LRBA: variants seen among roughly 807,000 people sequenced by gnomAD.
LRBA encodes the protein lipopolysaccharide-responsive and beige-like anchor protein.
Under a neutral mutation model 330.0 loss-of-function variants are expected in LRBA, and 176 were observed. The observed-to-expected ratio is 0.53, with a 90% CI of 0.47 to 0.60. The LOEUF is 0.60. Ranked by LOEUF, LRBA falls within the 20% of genes least tolerant of loss-of-function variation. The pLI is 0.00. For missense variants in LRBA, 3,259 were observed against 3,444.8 expected, an observed-to-expected ratio of 0.95 and a Z score of 1.35; for synonymous variants, 1,230 against 1,193.0, an observed-to-expected ratio of 1.03 and a Z score of -0.64.
At chr4:150,535,215 C>T (rs1764515288) in intron 40 of LRBA, among the ~76,000 whole-genome samples, 1 of 150,640 alleles carries the variant, frequency 6.6e-6, no homozygotes, top group South Asian at 2.1e-4. Flanking sequence ...CTCACTGAAG[C>T]CTCGAACTCT....
chr4:150,304,919 C>T (rs534740061), intron 52 of LRBA, among the ~76,000 whole-genome samples: 1 of 152,178 alleles, frequency 6.6e-6, no homozygotes, highest in African/African-American at 2.4e-5. Context: ...ATACATCATA[C>T]ATCATGAATA....
chr4:150,664,479 T>C (rs571078198), intron 37 of LRBA, among the ~76,000 whole-genome samples: 2 of 152,332 alleles, frequency 1.3e-5, no homozygotes, highest in South Asian at 4.1e-4. Flanking sequence ...TTTCTCCATT[T>C]ATATATCCTC....
intron 37 of LRBA, among the ~76,000 whole-genome samples, chr4:150,642,201 T>C (rs912522659): frequency 1.3e-5 from 2 of 151,992 alleles, no homozygotes; most frequent in African/African-American, 4.8e-5. Context: ...TACATTCATA[T>C]GTAAATTCTG....
chr4:150,932,768 T>C (rs1042409827), intron 2 of LRBA, among the ~76,000 whole-genome samples: 1 of 151,638 alleles, frequency 6.6e-6, no homozygotes, highest in African/African-American at 2.4e-5. Flanking sequence ...ATACAAAAAT[T>C]AGCCAGGCGT....
At chr4:150,527,019 T>G (rs901289274) in intron 40 of LRBA, among the ~76,000 whole-genome samples, 2 of 151,906 alleles carry the variant, frequency 1.3e-5, no homozygotes, top group Admixed American at 6.6e-5. Context: ...TCTACTTTTT[T>G]TTTTTTTAAA....
intron 20 of LRBA, among the ~76,000 whole-genome samples, chr4:150,868,573 A>T (rs889359261): frequency 6.6e-6 from 1 of 152,218 alleles, no homozygotes; most frequent in Non-Finnish European, 1.5e-5. Context: ...AACAAGTTAA[A>T]TTATAAATGA....
chr4:150,558,180 T>A (rs542445356), intron 40 of LRBA, among the ~76,000 whole-genome samples: 1 of 152,220 alleles, frequency 6.6e-6, no homozygotes, highest in South Asian at 2.1e-4. Context: ...ATTACAGACA[T>A]GAGCCACAGC....
chr4:150,895,380 C>G (rs1350930857), intron 16 of LRBA, among the ~76,000 whole-genome samples: 2 of 151,794 alleles, frequency 1.3e-5, no homozygotes, highest in Non-Finnish European at 1.5e-5. Context: ...TGTGCTGCAC[C>G]CATTAACTCG....
At chr4:150,842,817 C>T (rs1447170208) in intron 28 of LRBA, among the ~76,000 whole-genome samples, 4 of 151,960 alleles carry the variant, frequency 2.6e-5, no homozygotes, top group Non-Finnish European at 4.4e-5. Flanking sequence ...GAGAATTAAA[C>T]ACACATATAC....
chr4:150,962,844 C>T (rs34435937), intron 2 of LRBA, among the ~76,000 whole-genome samples: 3 of 147,282 alleles, frequency 2.0e-5, no homozygotes, highest in Non-Finnish European at 4.4e-5. Context: ...ATCCCAGCTA[C>T]TTGGGAGGCT....
intron 47 of LRBA, among the ~76,000 whole-genome samples, chr4:150,412,725 C>G (rs766763014): frequency 1.7e-4 from 26 of 151,696 alleles, no homozygotes; most frequent in Non-Finnish European, 4.4e-5. Context: ...AACCGATTCC[C>G]TTGAGACTTA....
At chr4:150,927,865 G>T (rs1734053348) in intron 4 of LRBA, among the ~76,000 whole-genome samples, 1 of 152,142 alleles carries the variant, frequency 6.6e-6, no homozygotes, top group Non-Finnish European at 1.5e-5. Context: ...CACAGTTTTA[G>T]ATACATTTAA....
At chr4:150,402,268 CAA>C (rs72235117) in intron 47 of LRBA, among the ~76,000 whole-genome samples, 33 of 137,544 alleles carry the variant, frequency 2.4e-4, no homozygotes, top group Admixed American at 3.7e-4. Context: ...AGCAGTAGAC[CAA>C]AAAAAAAAAA....
intron 35 of LRBA, among the ~76,000 whole-genome samples, chr4:150,753,254 T>C (rs1218125657): frequency 6.6e-6 from 1 of 152,220 alleles, no homozygotes; most frequent in East Asian, 1.9e-4. Context: ...TGTCTAACTT[T>C]ACCAATTAAA....
chr4:150,621,286 T>C (rs1466000165), intron 37 of LRBA, among the ~76,000 whole-genome samples: 1 of 152,174 alleles, frequency 6.6e-6, no homozygotes, highest in African/African-American at 2.4e-5. Flanking sequence ...TTTAAGCTAA[T>C]TTTTTTAACT....
intron 35 of LRBA, among the ~76,000 whole-genome samples, chr4:150,760,011 T>G (rs1734859315): frequency 1.3e-5 from 2 of 152,196 alleles, no homozygotes; most frequent in Admixed American, 6.5e-5. Flanking sequence ...ATATAAATTT[T>G]TCTTTAAAAA....
intron 8 of LRBA, 128 bp from the exon 9 acceptor site, chr4:150,914,469 C>T: frequency 1.8e-6 from 1 of 551,636 alleles, no homozygotes; most frequent in Non-Finnish European, 2.9e-6. Context: ...ATAATTTATA[C>T]CATAAAACCA....
At chr4:150,507,680 T>G (rs1761278731) in intron 40 of LRBA, among the ~76,000 whole-genome samples, 1 of 152,284 alleles carries the variant, frequency 6.6e-6, no homozygotes, top group South Asian at 2.1e-4. Flanking sequence ...AAGGACTTCA[T>G]GTCTAAAACA....
At chr4:150,837,223 T>A (rs1748251798) in intron 28 of LRBA, among the ~76,000 whole-genome samples, 1 of 152,220 alleles carries the variant, frequency 6.6e-6, no homozygotes, top group East Asian at 1.9e-4. Flanking sequence ...AACTATGTGG[T>A]CAATTTTGGA....
Sources: gnomAD v4.1 joint callset for allele counts (sites outside exome capture counted in the v4.1 genomes callset) on GRCh38, gnomAD v4.1.1 for gene constraint, MANE v1.5 for transcripts, NCBI Gene and HGNC (gene_info 2026-07-23, HGNC 2026-07-21) for gene names.